KCNT1: variants seen among roughly 807,000 people sequenced by gnomAD.
KCNT1 encodes the protein potassium channel subfamily T member 1.
A neutral mutation model predicts 147.8 loss-of-function variants in KCNT1; 78 were observed. The ratio of observed to expected loss-of-function variants is 0.53; its 90% CI spans 0.44 to 0.64. The LOEUF (loss-of-function observed/expected upper bound fraction) is 0.64, where lower values mean the gene tolerates loss of function less well. Ranked by LOEUF, KCNT1 falls within the 30% of genes least tolerant of loss-of-function variation. The pLI is 0.00. For synonymous variants in KCNT1, 867 were observed against 748.8 expected (o/e 1.16, Z -2.58); for missense variants, 1,419 against 1,750.3 (o/e 0.81, Z 3.38).
chr9:135,770,773 CTG>C, intron 17 of KCNT1, 82 bp from the exon 18 acceptor site: 3 of 1,308,556 alleles, frequency 2.3e-6, no homozygotes, highest in Non-Finnish European at 3.2e-6. Flanking sequence ...GGTGGGGACT[CTG>C]GTGATTTGCA....
At chr9:135,704,075 G>C (rs1324735098) in intron 1 of KCNT1, among the ~76,000 whole-genome samples, 5 of 152,374 alleles carry the variant, frequency 3.3e-5, no homozygotes, top group African/African-American at 9.6e-5. Flanking sequence ...GGCCCAGGCA[G>C]GTGGCTTCAG....
intron 29 of KCNT1, among the ~76,000 whole-genome samples, chr9:135,787,798 C>T (rs925158864): frequency 6.6e-6 from 1 of 152,230 alleles, no homozygotes; most frequent in Non-Finnish European, 1.5e-5. Flanking sequence ...TCAGGTGGGG[C>T]TCACGAGGCT....
At chr9:135,709,058 A>G (rs142907549) in intron 1 of KCNT1, among the ~76,000 whole-genome samples, 1 of 152,162 alleles carries the variant, frequency 6.6e-6, no homozygotes, top group Admixed American at 6.5e-5. Context: ...TCACTTTGCA[A>G]AGCACAATGG....
At chr9:135,717,068 G>A (rs1403743336) in intron 2 of KCNT1, among the ~76,000 whole-genome samples, 1 of 151,110 alleles carries the variant, frequency 6.6e-6, no homozygotes, top group Non-Finnish European at 1.5e-5. Flanking sequence ...AGGACAGGAG[G>A]GGACCTGGCC....
At chr9:135,778,547 T>A in intron 22 of KCNT1, 52 bp downstream of exon 22, 1 of 1,603,816 alleles carries the variant, frequency 6.2e-7, no homozygotes, top group East Asian at 2.2e-5. Context: ...ACCCCTCCCC[T>A]CCTCTTCCAA....
In KCNT1 at chr9:135,786,508, C is replaced by A. The variant is rs754553951; in HGVS notation, c.3489C>A (p.Pro1163=). 6.3e-7 allele frequency: 1 copy of A among 1,594,846 alleles called. No individual in the cohort carries two copies. The highest frequency in any genetic ancestry group is 2.3e-5 in the East Asian group (1 of 44,092). Residue 1163 remains proline (P), a synonymous_variant, in exon 29 of 31, where the codon CCC becomes CCA. Transcript: ENST00000371757. The part of the protein sequence containing the change: ...VKNRMKHLGL[P]TTGYDEMNDH... ...ACCGCATGAAGCACCTGGGGCTGCC[C>A]ACCACCGGCTACGGTAAGGGCACAC...
intron 1 of KCNT1, among the ~76,000 whole-genome samples, chr9:135,707,919 G>A (rs1227405178): frequency 6.6e-6 from 1 of 152,216 alleles, no homozygotes; most frequent in African/African-American, 2.4e-5. Flanking sequence ...AGATGGTGCT[G>A]AGCAGCCACC....
chr9:135,711,809 A>G (rs1835504058), intron 1 of KCNT1, among the ~76,000 whole-genome samples: 1 of 152,208 alleles, frequency 6.6e-6, no homozygotes, highest in Admixed American at 6.5e-5. Flanking sequence ...CCTGGGTCAT[A>G]GCCTTTGTCC....
chr9:135,785,719 C>T, intron 28 of KCNT1: 1 of 474,076 alleles, frequency 2.1e-6, no homozygotes, highest in Non-Finnish European at 3.9e-6. Flanking sequence ...CACCCCACGA[C>T]CCACAGGCTC....
At chr9:135,788,460 T>G (rs541973829) in intron 29 of KCNT1, among the ~76,000 whole-genome samples, 3 of 152,354 alleles carry the variant, frequency 2.0e-5, no homozygotes, top group South Asian at 2.1e-4. Context: ...TGGTGCTGCT[T>G]CTCCTGCTTT....
At chr9:135,736,215 A>G (rs1382565743) in intron 2 of KCNT1, among the ~76,000 whole-genome samples, 5 of 152,134 alleles carry the variant, frequency 3.3e-5, no homozygotes, top group Admixed American at 6.5e-5. Flanking sequence ...GGGTGGGCAC[A>G]GCTTGGGCAG....
chr9:135,726,969 CT>C (rs1836193604), intron 2 of KCNT1, among the ~76,000 whole-genome samples: 1 of 122,770 alleles, frequency 8.1e-6, no homozygotes, highest in Non-Finnish European at 1.7e-5. Context: ...CCCTCTCCCT[CT>C]CTTTCCCATT....
chr9:135,772,244 C>T (rs559160008), intron 18 of KCNT1, among the ~76,000 whole-genome samples: 1 of 152,172 alleles, frequency 6.6e-6, no homozygotes, highest in Non-Finnish European at 1.5e-5. Flanking sequence ...CACAGAGGCC[C>T]TGGGCCATAC....
chr9:135,729,922 C>G (rs1181297407), intron 2 of KCNT1, among the ~76,000 whole-genome samples: 1 of 152,206 alleles, frequency 6.6e-6, no homozygotes, highest in Non-Finnish European at 1.5e-5. Context: ...TCAAGGTGGC[C>G]TGTGGCTTTA....
intron 19 of KCNT1, among the ~76,000 whole-genome samples, chr9:135,774,917 C>G (rs528429620): frequency 6.6e-6 from 1 of 152,162 alleles, no homozygotes; most frequent in South Asian, 2.1e-4. Context: ...CCTCCAGTCC[C>G]CCAAGGCCCT....
At position 135,777,358 on chromosome 9, in the gene KCNT1, T is replaced by C. The variant is rs1588380952; in HGVS notation, c.2370T>C (p.Tyr790=). ...RLDKGCKHNS[Y]EDAKAYGFKN... is the part of the protein sequence containing the mutation. ...CCCAGGGCTGCAAGCACAACAGCTA[T>C]GAAGACGCCAAGGCCTACGGGTTCA... Residue 790 remains tyrosine, a synonymous_variant, in exon 21 of 31, where the codon TAT becomes TAC. Coordinates refer to ENST00000371757, the MANE Select transcript of KCNT1 (RefSeq NM_020822.3). The C allele has an allele frequency of 6.2e-7, 1 of 1,613,938 alleles. No individual in the cohort carries two copies. Among genetic ancestry groups the C allele is most frequent in the Non-Finnish European group, 8.5e-7 (1 of 1,179,894 alleles).
At position 135,792,220 on chromosome 9, in the gene KCNT1, G is replaced by T. The variant is rs7854698; in HGVS notation, c.*59G>T. ...CGGGGTCCTCAGGAAGGACGTGGAG[G>T]AGCGTGTGAGGACACGGTGGCACTA... On this transcript the variant is annotated 3_prime_UTR_variant, in exon 31 of 31. Transcript: ENST00000371757. 4,540 of 1,564,168 alleles carry T rather than the reference G, an allele frequency of 2.9e-3. 124 individuals carry two copies. In the African/African-American group the frequency reaches 0.055, roughly 19 times the overall value.
At chr9:135,720,131 T>C (rs1365418335) in intron 2 of KCNT1, among the ~76,000 whole-genome samples, 1 of 151,824 alleles carries the variant, frequency 6.6e-6, no homozygotes, top group Non-Finnish European at 1.5e-5. Context: ...CAGGAATGGG[T>C]GCAGAAGGAG....
intron 11 of KCNT1, 51 bp downstream of exon 11, chr9:135,759,910 G>A: frequency 3.3e-6 from 5 of 1,513,146 alleles, no homozygotes; most frequent in Non-Finnish European, 3.6e-6. Flanking sequence ...GGGACAGGCG[G>A]GTGCCAGTAG....
Sources: gnomAD v4.1 joint callset for allele counts (sites outside exome capture counted in the v4.1 genomes callset) on GRCh38, gnomAD v4.1.1 for gene constraint, MANE v1.5 for transcripts, NCBI Gene and HGNC (gene_info 2026-07-23, HGNC 2026-07-21) for gene names.